ADAM2: variants seen among roughly 807,000 people sequenced by gnomAD.
ADAM2 encodes the protein disintegrin and metalloproteinase domain-containing protein 2.
A neutral mutation model predicts 99.3 loss-of-function variants in ADAM2; 101 were observed. The observed-to-expected ratio is 1.02, with a 90% CI of 0.87 to 1.20. ADAM2 has a LOEUF of 1.20. ADAM2 is among the 50% of genes most tolerant of loss of function. The probability of loss-of-function intolerance (pLI) is 0.00; values close to 1 mark genes in which losing one functional copy is unlikely to be tolerated. For missense variants in ADAM2, 948 were observed against 878.7 expected, an observed-to-expected ratio of 1.08 and a Z score of -1.00; for synonymous variants, 323 against 287.6, an observed-to-expected ratio of 1.12 and a Z score of -1.25.
At chr8:39,772,421 T>A (rs925450950) in intron 11 of ADAM2, among the ~76,000 whole-genome samples, 1 of 152,086 alleles carries the variant, frequency 6.6e-6, no homozygotes, top group Non-Finnish European at 1.5e-5. Flanking sequence ...CTTTATCCAA[T>A]TGGTCACTTT....
intron 7 of ADAM2, among the ~76,000 whole-genome samples, chr8:39,790,495 A>G (rs1376949791): frequency 6.6e-6 from 1 of 151,974 alleles, no homozygotes; most frequent in Non-Finnish European, 1.5e-5. Flanking sequence ...CAAAAAGTAA[A>G]TTAGTGATTG....
At chr8:39,801,892 G>T (rs185501218) in intron 7 of ADAM2, among the ~76,000 whole-genome samples, 1 of 152,138 alleles carries the variant, frequency 6.6e-6, no homozygotes, top group Non-Finnish European at 1.5e-5. Context: ...AGCAGCCTGG[G>T]ACTATAGAAA....
chr8:39,823,197 C>T (rs1273403169), intron 4 of ADAM2, among the ~76,000 whole-genome samples: 1 of 152,224 alleles, frequency 6.6e-6, no homozygotes, highest in Non-Finnish European at 1.5e-5. Context: ...GAATGGCTTA[C>T]ACTTGTCCTA....
At chr8:39,797,325 T>C (rs1004076686) in intron 7 of ADAM2, among the ~76,000 whole-genome samples, 1 of 152,200 alleles carries the variant, frequency 6.6e-6, no homozygotes, top group Non-Finnish European at 1.5e-5. Flanking sequence ...TCATTGCTTG[T>C]TTTTGTCAGG....
intron 11 of ADAM2, among the ~76,000 whole-genome samples, chr8:39,772,972 CA>C (rs1802840958): frequency 6.6e-6 from 1 of 151,826 alleles, no homozygotes; most frequent in Admixed American, 6.6e-5. Context: ...CACATTCTCT[CA>C]CTTTCTGTTG....
intron 1 of ADAM2, 102 bp from the exon 2 acceptor site, chr8:39,837,314 C>T: frequency 1.5e-6 from 1 of 654,974 alleles, no homozygotes; most frequent in Non-Finnish European, 2.5e-6. Context: ...CTATACGCTG[C>T]TTCTCATTTT....
chr8:39,801,927 G>A (rs957545079), intron 7 of ADAM2, among the ~76,000 whole-genome samples: 1 of 152,144 alleles, frequency 6.6e-6, no homozygotes, highest in African/African-American at 2.4e-5. Flanking sequence ...CCCCCGCCCA[G>A]GGAGCTTAGG....
Position 39,772,777 on chromosome 8 carries a change from G to T in ADAM2, c.1029-3202C>A, listed in dbSNP as rs539949943. 2.7e-4 allele frequency among the ~76,000 whole-genome samples: 41 copies of T among 151,936 alleles called. No individual in the cohort carries two copies. In the South Asian group the frequency reaches 8.5e-3, roughly 31 times the overall value. The stretch of plus-strand genomic sequence containing the variant: ...AGTAACAATACAACACAAAATAAAA[G>T]AATGGAGCATCTTTTTCCTTAATCC... On this transcript the variant is annotated intron_variant, in intron 11 of 20. Coordinates refer to ENST00000265708, the MANE Select transcript of ADAM2 (RefSeq NM_001464.5).
At chr8:39,814,929 G>A (rs1295849115) in intron 6 of ADAM2, among the ~76,000 whole-genome samples, 1 of 151,664 alleles carries the variant, frequency 6.6e-6, no homozygotes, top group Admixed American at 6.6e-5. Flanking sequence ...AAATGTGAAT[G>A]TATAAGGAAA....
At chr8:39,784,459 T>C (rs1803371163) in intron 10 of ADAM2, among the ~76,000 whole-genome samples, 1 of 152,124 alleles carries the variant, frequency 6.6e-6, no homozygotes, top group Admixed American at 6.5e-5. Context: ...TGGCTCCCTG[T>C]AGCCTTGAAC....
chr8:39,758,014 A>T (rs1305327798), intron 15 of ADAM2, among the ~76,000 whole-genome samples: 4 of 152,204 alleles, frequency 2.6e-5, no homozygotes, highest in Admixed American at 6.5e-5. Context: ...ATGCTTTAGC[A>T]ATTATAAAGC....
chr8:39,753,952 C>T (rs1802057162), intron 16 of ADAM2, among the ~76,000 whole-genome samples: 1 of 152,106 alleles, frequency 6.6e-6, no homozygotes. Flanking sequence ...AAGTTCTTTA[C>T]TAATTAATTT....
At chr8:39,748,576 T>C (rs1374759803) in intron 18 of ADAM2, among the ~76,000 whole-genome samples, 1 of 152,138 alleles carries the variant, frequency 6.6e-6, no homozygotes, top group Non-Finnish European at 1.5e-5. Context: ...AAAGAAAATC[T>C]CCTGGTCCTA....
intron 3 of ADAM2, among the ~76,000 whole-genome samples, chr8:39,825,614 T>C (rs1805366701): frequency 6.6e-6 from 1 of 151,328 alleles, no homozygotes; most frequent in South Asian, 2.1e-4. Flanking sequence ...TATAAATATA[T>C]CATCAAAAGA....
At chr8:39,779,942 A>G (rs916968262) in intron 10 of ADAM2, among the ~76,000 whole-genome samples, 20 of 151,938 alleles carry the variant, frequency 1.3e-4, no homozygotes, top group African/African-American at 4.8e-4. Flanking sequence ...TCAACTCATT[A>G]TTTAGTCAAG....
At chr8:39,828,630 A>G (rs1161302875) in intron 3 of ADAM2, among the ~76,000 whole-genome samples, 1 of 151,852 alleles carries the variant, frequency 6.6e-6, no homozygotes, top group Non-Finnish European at 1.5e-5. Context: ...CTGGTTATAA[A>G]CACCTATTAT....
At chr8:39,748,089 A>G (rs1311508962) in intron 18 of ADAM2, among the ~76,000 whole-genome samples, 1 of 152,196 alleles carries the variant, frequency 6.6e-6, no homozygotes, top group Non-Finnish European at 1.5e-5. Flanking sequence ...AGGAGGGCTT[A>G]TTAGATGGTT....
chr8:39,797,039 G>A (rs1477209869), intron 7 of ADAM2, among the ~76,000 whole-genome samples: 1 of 152,132 alleles, frequency 6.6e-6, no homozygotes, highest in African/African-American at 2.4e-5. Context: ...CTGTGCAGAA[G>A]CTCTTTAGTT....
chr8:39,788,140 T>C lies in ADAM2; in HGVS notation c.754A>G (p.Arg252Gly), dbSNP rs767398062. Residue 252 changes from arginine (R) to glycine (G), a missense_variant, in exon 9 of 21, where the codon AGA (arginine) becomes GGA (glycine). Transcript: ENST00000265708. Reference protein sequence around the residue: ...EANELLHTFLRWKTSYLVLRP... With the variant: ...EANELLHTFLGWKTSYLVLRP... Reference sequence around the variant, plus strand: ...AAAACAAGATAAGATGTTTTCCATCTTAAAAATGTGTGTAATAACTCATTA... The same window carrying C: ...AAAACAAGATAAGATGTTTTCCATCCTAAAAATGTGTGTAATAACTCATTA... The C allele has an allele frequency of 4.4e-6, 7 of 1,584,276 alleles. No individual in the cohort carries two copies. In the Admixed American group the frequency reaches 1.1e-4, roughly 24 times the overall value.
Sources: gnomAD v4.1 joint callset for allele counts (sites outside exome capture counted in the v4.1 genomes callset) on GRCh38, gnomAD v4.1.1 for gene constraint, MANE v1.5 for transcripts, NCBI Gene and HGNC (gene_info 2026-07-23, HGNC 2026-07-21) for gene names.